The following MDGA2 variants were observed in gnomAD, a reference collection of about 807,000 sequenced individuals.
The protein encoded by MDGA2 is MAM domain containing glycosylphosphatidylinositol anchor 2, also known as MAM domain-containing glycosylphosphatidylinositol anchor protein 2.
A neutral mutation model predicts 117.8 loss-of-function variants in MDGA2; 40 were observed. That is an observed-to-expected ratio of 0.34 (90% CI 0.26 to 0.44). MDGA2 has a LOEUF of 0.44. Among genes scored for constraint, MDGA2 ranks in the 20% least tolerant of loss-of-function variants. MDGA2 has a pLI of 1.00. For synonymous variants in MDGA2, 452 were observed against 439.0 expected (o/e 1.03, Z -0.37); for missense variants, 1,123 against 1,250.6 (o/e 0.90, Z 1.54).
At chr14:47,299,537 T>C (rs955074577) in intron 2 of MDGA2, 1 of 152,208 alleles carries the variant, frequency 6.6e-6, no homozygotes. Context: ...TTCTATTCCA[T>C]GTCTACAAAA....
chr14:46,917,707 A>G (rs551704902), intron 10 of MDGA2, among the ~76,000 whole-genome samples: 1 of 152,318 alleles, frequency 6.6e-6, no homozygotes, highest in African/African-American at 2.4e-5. Flanking sequence ...AATGTGTGTC[A>G]CTGCGTATCA....
intron 8 of MDGA2, among the ~76,000 whole-genome samples, chr14:46,978,716 A>G (rs1257547831): frequency 6.6e-6 from 1 of 152,058 alleles, no homozygotes; most frequent in Non-Finnish European, 1.5e-5. Flanking sequence ...ATTTAGACAC[A>G]TTGAGAAAAT....
At chr14:47,473,081 T>C (rs1388307213) in intron 1 of MDGA2, among the ~76,000 whole-genome samples, 6 of 152,082 alleles carry the variant, frequency 3.9e-5, no homozygotes, top group East Asian at 1.9e-4. Flanking sequence ...TTATTTATAA[T>C]AGAGGACACC....
intron 1 of MDGA2, among the ~76,000 whole-genome samples, chr14:47,354,268 A>C (rs1296434937): frequency 6.6e-6 from 1 of 152,200 alleles, no homozygotes; most frequent in Non-Finnish European, 1.5e-5. Context: ...CACCTCTTCT[A>C]TTCAACATAT....
At chr14:47,430,289 A>G (rs1379766304) in intron 1 of MDGA2, among the ~76,000 whole-genome samples, 3 of 152,044 alleles carry the variant, frequency 2.0e-5, no homozygotes, top group Non-Finnish European at 4.4e-5. Flanking sequence ...GTTGATCAGA[A>G]ATTATAAACT....
At chr14:47,031,066 G>T (rs909119187) in intron 8 of MDGA2, among the ~76,000 whole-genome samples, 1 of 152,050 alleles carries the variant, frequency 6.6e-6, no homozygotes, top group African/African-American at 2.4e-5. Context: ...TAATTAGTGA[G>T]AGTAAGTAAT....
intron 9 of MDGA2, among the ~76,000 whole-genome samples, chr14:46,950,316 A>C (rs1007589900): frequency 6.6e-6 from 1 of 151,920 alleles, no homozygotes; most frequent in African/African-American, 2.4e-5. Flanking sequence ...ATGTGTCAAA[A>C]AGAGTTTGAA....
intron 1 of MDGA2, among the ~76,000 whole-genome samples, chr14:47,330,115 A>G (rs191382029): frequency 2.2e-4 from 34 of 152,088 alleles, no homozygotes; most frequent in African/African-American, 7.2e-4. Flanking sequence ...CTACACCTAT[A>G]TGTATATTTC....
chr14:47,035,967 G>A (rs563967467), intron 7 of MDGA2, among the ~76,000 whole-genome samples: 5 of 151,628 alleles, frequency 3.3e-5, no homozygotes, highest in South Asian at 2.1e-4. Context: ...ATATTTCAAC[G>A]AATATAAAAA....
chr14:46,936,604 C>G (rs1007427326), intron 9 of MDGA2, among the ~76,000 whole-genome samples: 1 of 152,004 alleles, frequency 6.6e-6, no homozygotes, highest in Non-Finnish European at 1.5e-5. Context: ...AAGGACTTTT[C>G]TCTTCCCGTC....
chr14:46,859,637 C>T (rs1881425552), intron 14 of MDGA2, among the ~76,000 whole-genome samples: 1 of 152,044 alleles, frequency 6.6e-6, no homozygotes, highest in Admixed American at 6.5e-5. Context: ...CATTGCAGTC[C>T]TACCCTGTTT....
intron 1 of MDGA2, among the ~76,000 whole-genome samples, chr14:47,621,613 T>A (rs1897051599): frequency 6.6e-6 from 1 of 152,218 alleles, no homozygotes; most frequent in African/African-American, 2.4e-5. Flanking sequence ...AGTGGCCATG[T>A]GATTTCCTCT....
chr14:47,081,483 T>A (rs1235078447), intron 6 of MDGA2, among the ~76,000 whole-genome samples: 4 of 152,180 alleles, frequency 2.6e-5, no homozygotes, highest in Non-Finnish European at 4.4e-5. Flanking sequence ...TCTGTGCCTT[T>A]AGTTTTTTTC....
chr14:47,632,805 CTTCTGA>C (rs1897263079), intron 1 of MDGA2, among the ~76,000 whole-genome samples: 1 of 151,686 alleles, frequency 6.6e-6, no homozygotes, highest in South Asian at 2.1e-4. Flanking sequence ...CCTCTCTCTC[CTTCTGA>C]TTAACACTTC....
chr14:47,183,845 C>T (rs923842388), intron 3 of MDGA2, among the ~76,000 whole-genome samples: 26 of 151,936 alleles, frequency 1.7e-4, no homozygotes, highest in African/African-American at 6.3e-4. Flanking sequence ...CCCCTGGGCT[C>T]TCTTGCTTCT....
intron 8 of MDGA2, among the ~76,000 whole-genome samples, chr14:46,991,842 C>T (rs2138435058): frequency 6.6e-6 from 1 of 152,210 alleles, no homozygotes; most frequent in Admixed American, 6.5e-5. Context: ...AGCTAGATCA[C>T]TTGGCTAGAA....
In MDGA2 at chr14:47,625,735, A is replaced by G. The variant is rs992554364; in HGVS notation, c.280+48782T>C. ...GTCAAGTCTTACCAATCACTCTTCA[A>G]ACTTTATTTCTCAGGACTAACAAAG... On this transcript the variant is annotated intron_variant, in intron 1 of 16. Coordinates refer to ENST00000399232, the MANE Select transcript of MDGA2 (RefSeq NM_001113498.3). Among the ~76,000 whole-genome samples the G allele has an allele frequency of 9.2e-5, 14 of 152,312 alleles. No homozygotes were observed. In the East Asian group the frequency reaches 1.5e-3, roughly 17 times the overall value.
intron 9 of MDGA2, among the ~76,000 whole-genome samples, chr14:46,951,231 G>C (rs1393254871): frequency 6.6e-6 from 1 of 151,768 alleles, no homozygotes; most frequent in Non-Finnish European, 1.5e-5. Flanking sequence ...AACTATGAAG[G>C]ATTTATTTAG....
intron 1 of MDGA2, among the ~76,000 whole-genome samples, chr14:47,556,292 A>G (rs2138787965): frequency 6.6e-6 from 1 of 152,296 alleles, no homozygotes; most frequent in East Asian, 1.9e-4. Context: ...TATCCCAACT[A>G]TCAGAACCTG....
Sources: gnomAD v4.1 joint callset for allele counts (sites outside exome capture counted in the v4.1 genomes callset) on GRCh38, gnomAD v4.1.1 for gene constraint, MANE v1.5 for transcripts, NCBI Gene and HGNC (gene_info 2026-07-23, HGNC 2026-07-21) for gene names.